PARP11: variants seen among roughly 807,000 people sequenced by gnomAD.
PARP11 encodes the protein protein mono-ADP-ribosyltransferase PARP11.
In PARP11, 31 loss-of-function variants were observed where a neutral mutation model predicts 42.9. The observed-to-expected ratio is 0.72, with a 90% CI of 0.54 to 0.98. The LOEUF is 0.98. Ranked by LOEUF, PARP11 falls within the 50% of genes least tolerant of loss-of-function variation. The pLI is 0.00. For missense variants in PARP11, 365 were observed against 413.1 expected (o/e 0.88, Z 1.01); for synonymous variants, 137 against 127.3 (o/e 1.08, Z -0.51).
intron 4 of PARP11, among the ~76,000 whole-genome samples, chr12:3,824,866 A>G (rs1242586498): frequency 2.6e-5 from 4 of 152,242 alleles, no homozygotes; most frequent in African/African-American, 9.6e-5. Flanking sequence ...GAATGTGGAT[A>G]TGACGTAGCT....
intron 1 of PARP11, among the ~76,000 whole-genome samples, chr12:3,852,793 T>G (rs528913803): frequency 6.6e-6 from 1 of 152,186 alleles, no homozygotes; most frequent in African/African-American, 2.4e-5. Context: ...ACCACAAAGA[T>G]ACTCCTTGAG....
Position 3,821,977 on chromosome 12 carries a change from ATG to A in PARP11, c.442_443del (p.His148Ter). Reference sequence around the variant, plus strand: ...AGAGATTAGCAACTTCATTATATTCATGTGTTTGATTGTGCAGAGGAATAAGC... The same window carrying A: ...AGAGATTAGCAACTTCATTATATTCATGTTTGATTGTGCAGAGGAATAAGC... ...YQLIPLHNQT[H>X]EYNEVANLFG... On this transcript the variant is annotated frameshift_variant, in exon 6 of 8. Transcript: ENST00000228820. LOFTEE classifies it high-confidence loss of function. The A allele has an allele frequency of 6.2e-7, 1 of 1,609,752 alleles. No individual in the cohort carries two copies. The highest frequency in any genetic ancestry group is 8.5e-7 in the Non-Finnish European group (1 of 1,178,604).
chr12:3,844,557 G>A (rs1321037551), intron 1 of PARP11, among the ~76,000 whole-genome samples: 1 of 152,080 alleles, frequency 6.6e-6, no homozygotes, highest in Non-Finnish European at 1.5e-5. Flanking sequence ...TTATTGACTG[G>A]GGTTTTATCT....
In PARP11 at chr12:3,840,251, T is replaced by C; in HGVS notation, c.19-10233A>G. The C allele has an allele frequency of 6.2e-7, 1 of 1,613,146 alleles. No homozygotes were observed. The highest frequency in any genetic ancestry group is 8.5e-7 in the Non-Finnish European group (1 of 1,179,130). ...CATTCTGAGAATGGACCAGTTTTGG[T>C]TGAAGAACTGGGAAAGTACACATCA... On this transcript the variant is annotated intron_variant, in intron 1 of 7. Transcript: ENST00000228820. The surrounding 1 kb of genome is among the most constrained non-coding windows in gnomAD (Gnocchi z 4.4).
chr12:3,829,259 G>GAT (rs1469909644), intron 2 of PARP11, among the ~76,000 whole-genome samples: 2 of 152,120 alleles, frequency 1.3e-5, no homozygotes, highest in African/African-American at 2.4e-5. Flanking sequence ...TTCAATAACA[G>GAT]ATATATATAG....
intron 3 of PARP11, 147 bp from the exon 4 acceptor site, chr12:3,826,380 A>G (rs1947527208): frequency 7.7e-6 from 4 of 519,314 alleles, no homozygotes. Flanking sequence ...TGGGTACTTT[A>G]CCATGCAGCT....
In PARP11 at chr12:3,856,941, T is replaced by G. The variant is rs550852950; in HGVS notation, c.18+16271A>C. On this transcript the variant is annotated intron_variant, in intron 1 of 7. Coordinates refer to ENST00000228820, the MANE Select transcript of PARP11 (RefSeq NM_020367.6). ...GGCACACATACACCACGGAATACTA[T>G]GCAGCCATAAAAAAGGATGAGTTCA... Among the ~76,000 whole-genome samples the G allele has an allele frequency of 6.6e-5, 10 of 152,260 alleles. No individual in the cohort carries two copies. The East Asian group carries it at 1.5e-3, about 24-fold the overall frequency.
At chr12:3,858,856 C>T (rs962042872) in intron 1 of PARP11, among the ~76,000 whole-genome samples, 2 of 151,470 alleles carry the variant, frequency 1.3e-5, no homozygotes, top group African/African-American at 2.4e-5. Flanking sequence ...CTGGGAGGCC[C>T]AGGTGTGTGG....
intron 1 of PARP11, among the ~76,000 whole-genome samples, chr12:3,843,068 C>G (rs1253962925): frequency 6.6e-6 from 1 of 152,176 alleles, no homozygotes; most frequent in Non-Finnish European, 1.5e-5. Flanking sequence ...CCTTTCATCT[C>G]GATATCTGTC....
Position 3,811,811 on chromosome 12 carries a change from A to G in PARP11, c.*312T>C. ...TCATTTATCCTGATAACACACACGT[A>G]AACTTTAAAGATCTCAATGACCACA... On this transcript the variant is annotated 3_prime_UTR_variant, in exon 8 of 8. Coordinates refer to ENST00000228820, the MANE Select transcript of PARP11 (RefSeq NM_020367.6). 3.4e-6 allele frequency: 1 copy of G among 290,126 alleles called. No homozygotes were observed. The highest frequency in any genetic ancestry group is 6.3e-6 in the Non-Finnish European group (1 of 159,022). The allele number at this position is 290,126 out of a possible 1,614,324, so 18.0% of individuals were successfully genotyped here.
At chr12:3,813,902 A>T (rs1947231185) in intron 7 of PARP11, 135 bp downstream of exon 7, 1 of 582,794 alleles carries the variant, frequency 1.7e-6, no homozygotes, top group Non-Finnish European at 2.8e-6. Context: ...CTCGTACACA[A>T]TGCAATTATA....
intron 7 of PARP11, 40 bp downstream of exon 7, chr12:3,813,997 C>G: frequency 3.4e-6 from 5 of 1,483,238 alleles, no homozygotes; most frequent in Non-Finnish European, 4.6e-6. Context: ...AGGAAACTCT[C>G]TCCTGGGGCT....
At chr12:3,866,818 G>C (rs1435521740) in intron 1 of PARP11, among the ~76,000 whole-genome samples, 1 of 152,142 alleles carries the variant, frequency 6.6e-6, no homozygotes, top group African/African-American at 2.4e-5. Context: ...ACAAGCTATT[G>C]ACCAAAATTC....
intron 1 of PARP11, chr12:3,841,810 A>G (rs1487644005): frequency 6.2e-7 from 1 of 1,610,000 alleles, no homozygotes; most frequent in African/African-American, 1.3e-5. Context: ...GAGGCAGAAT[A>G]TTGTCCTGCC....
intron 1 of PARP11, chr12:3,872,730 C>T (rs933899384): frequency 5.4e-5 from 53 of 985,300 alleles, no homozygotes; most frequent in Non-Finnish European, 6.3e-5. Context: ...GCAGGTAAAC[C>T]TGAGGCAAAT....
intron 1 of PARP11, among the ~76,000 whole-genome samples, chr12:3,836,210 G>A (rs547304057): frequency 1.3e-5 from 2 of 151,872 alleles, no homozygotes; most frequent in African/African-American, 4.8e-5. Context: ...AAATCAGCAA[G>A]AGAAAAACAA....
intron 4 of PARP11, among the ~76,000 whole-genome samples, chr12:3,822,535 C>T (rs1283285225): frequency 1.4e-5 from 2 of 147,892 alleles, no homozygotes; most frequent in South Asian, 2.1e-4. Context: ...GGAGGCGGAG[C>T]TTGCAGTGAG....
rs929924245 is a variant in PARP11 at position 3,868,951 on chromosome 12, T to C, written c.18+4261A>G. Among the ~76,000 whole-genome samples the C allele has an allele frequency of 3.9e-5, 6 of 152,240 alleles. 1 individual carries two copies. Among genetic ancestry groups the C allele is most frequent in the African/African-American group, 1.4e-4 (6 of 41,474 alleles). On this transcript the variant is annotated intron_variant, in intron 1 of 7. Transcript: ENST00000228820. ...TCAATGGGCTAAAATCAAGGTGAGT[T>C]TGATTCCCTTCTAAAGGTTGTATGA...
intron 1 of PARP11, among the ~76,000 whole-genome samples, chr12:3,842,956 A>G (rs1947924355): frequency 6.6e-6 from 1 of 152,240 alleles, no homozygotes; most frequent in Non-Finnish European, 1.5e-5. Flanking sequence ...TGCACCAAAT[A>G]GAAATGTCTA....
Sources: allele counts gnomAD v4.1 joint callset (sites outside exome capture counted in the v4.1 genomes callset), GRCh38; gene constraint gnomAD v4.1.1; non-coding constraint Gnocchi (gnomAD v3.1); transcripts MANE v1.5; gene names NCBI Gene and HGNC (gene_info 2026-07-23, HGNC 2026-07-21).